Variants in CDK5RAP2 observed in about 807,000 individuals in gnomAD.
The protein encoded by CDK5RAP2 is CDK5 regulatory subunit-associated protein 2.
A neutral mutation model predicts 232.9 loss-of-function variants in CDK5RAP2; 147 were observed. The observed-to-expected ratio is 0.63, with a 90% confidence interval of 0.55 to 0.72. CDK5RAP2 has a LOEUF of 0.72. Ranked by LOEUF, CDK5RAP2 falls within the 30% of genes least tolerant of loss-of-function variation. CDK5RAP2 has a pLI of 0.00. For missense variants in CDK5RAP2, 2,195 were observed against 2,231.5 expected, an observed-to-expected ratio of 0.98 and a Z score of 0.33; for synonymous variants, 833 against 833.7, an observed-to-expected ratio of 1.00 and a Z score of 0.01.
rs145652715 is a variant in CDK5RAP2, at chr9:120,526,376, A to G, written c.1000-1298T>C. Among the ~76,000 whole-genome samples, 926 of 152,264 alleles carry G rather than the reference A, an allele frequency of 6.1e-3. 8 individuals carry two copies. The highest frequency in any genetic ancestry group is 0.021 in the African/African-American group (877 of 41,542). On this transcript the variant is annotated intron_variant, in intron 10 of 37. Coordinates refer to ENST00000349780, the MANE Select transcript of CDK5RAP2 (RefSeq NM_018249.6). ...CCACGCTTTGAACTGAGTCAGTGGC[A>G]CCACCATACCTCTAGTCATGCAAGC...
chr9:120,556,947 G>A (rs921126567), intron 3 of CDK5RAP2, among the ~76,000 whole-genome samples: 1 of 152,104 alleles, frequency 6.6e-6, no homozygotes, highest in East Asian at 1.9e-4. Context: ...CGACTACCCC[G>A]CCAGATGCTT....
chr9:120,489,669 C>CT (rs939634944), intron 13 of CDK5RAP2, among the ~76,000 whole-genome samples: 4 of 152,102 alleles, frequency 2.6e-5, no homozygotes, highest in Non-Finnish European at 5.9e-5. Flanking sequence ...TTCCAAATAT[C>CT]TTTTTTGTCA....
intron 26 of CDK5RAP2, among the ~76,000 whole-genome samples, chr9:120,421,612 C>A (rs925065369): frequency 2.0e-5 from 3 of 152,158 alleles, no homozygotes; most frequent in Non-Finnish European, 4.4e-5. Context: ...AAGTACACAG[C>A]AACAATAATA....
chr9:120,414,713 T>C (rs2034103462), intron 28 of CDK5RAP2, among the ~76,000 whole-genome samples: 1 of 152,222 alleles, frequency 6.6e-6, no homozygotes. Flanking sequence ...GCTAACTGTG[T>C]TTATGCAGGA....
At chr9:120,492,992 G>A (rs560745830) in intron 12 of CDK5RAP2, among the ~76,000 whole-genome samples, 6 of 152,186 alleles carry the variant, frequency 3.9e-5, no homozygotes, top group African/African-American at 1.2e-4. Flanking sequence ...GTCTCTAAAC[G>A]CCTTTTCCTA....
chr9:120,528,538 A>G (rs2131905583), intron 9 of CDK5RAP2, among the ~76,000 whole-genome samples: 1 of 152,310 alleles, frequency 6.6e-6, no homozygotes, highest in Non-Finnish European at 1.5e-5. Flanking sequence ...CAGGTACCAC[A>G]TCTGTAAAAT....
chr9:120,568,198 G>C, intron 3 of CDK5RAP2, 123 bp downstream of exon 3: 1 of 797,744 alleles, frequency 1.3e-6, no homozygotes, highest in Non-Finnish European at 2.3e-6. Flanking sequence ...CATGAGACAT[G>C]GCACCCCCCT....
intron 35 of CDK5RAP2, among the ~76,000 whole-genome samples, chr9:120,398,552 T>C (rs927796459): frequency 6.6e-6 from 1 of 152,226 alleles, no homozygotes; most frequent in Non-Finnish European, 1.5e-5. Flanking sequence ...CAAGAATTTT[T>C]AGGAATTGTT....
rs189534121 is a variant in CDK5RAP2, at chr9:120,468,271, C to G, written c.1969-274G>C. Reference sequence around the variant, plus strand: ...TAAGCCCCAGTTTCCTCATCTGTAGCGTTACTACGAGAACTGAACAGGATT... The same window carrying G: ...TAAGCCCCAGTTTCCTCATCTGTAGGGTTACTACGAGAACTGAACAGGATT... On this transcript the variant is annotated intron_variant, in intron 17 of 37. Transcript: ENST00000349780. 2.0e-5 allele frequency among the ~76,000 whole-genome samples: 3 copies of G among 152,204 alleles called. No individual in the cohort carries two copies. The East Asian group carries it at 5.8e-4, about 29-fold the overall frequency.
rs560418406 is a variant in CDK5RAP2, at chr9:120,511,989, C to T, written c.1311+6438G>A. Among the ~76,000 whole-genome samples the T allele has an allele frequency of 6.6e-3, 1,009 of 152,198 alleles. 16 individuals carry two copies. Among genetic ancestry groups the T allele is most frequent in the African/African-American group, 0.023 (955 of 41,530 alleles). ...CTCACCTCAGGTGATCCACCCACCT[C>T]GGCCTCCCAAAGTGCTGGGATTACA... On this transcript the variant is annotated intron_variant, in intron 12 of 37. Coordinates refer to ENST00000349780, the MANE Select transcript of CDK5RAP2 (RefSeq NM_018249.6).
chr9:120,518,527 A>C lies in CDK5RAP2; in HGVS notation c.1211T>G (p.Ile404Ser), dbSNP rs753137272. Residue 404 changes from isoleucine (I) to serine (S), a missense_variant, in exon 12 of 38, where the codon ATC (isoleucine) becomes AGC (serine). Transcript: ENST00000349780. ...CTGCAAGTCACTCAGCTCCTGGGTG[A>C]TCTTCTTAATGCTTCTACGCAGTCT... The part of the protein sequence containing the change: ...NHRLRRSIKK[I>S]TQELSDLQQE... 1.2e-6 allele frequency: 2 copies of C among 1,613,458 alleles called. No homozygotes were observed. The highest frequency in any genetic ancestry group is 1.7e-4 in the Middle Eastern group (1 of 6,060).
At chr9:120,513,515 C>T (rs543674171) in intron 12 of CDK5RAP2, among the ~76,000 whole-genome samples, 5 of 152,330 alleles carry the variant, frequency 3.3e-5, no homozygotes, top group African/African-American at 9.6e-5. Flanking sequence ...AATCACCATA[C>T]CCTCTCCCAC....
intron 14 of CDK5RAP2, among the ~76,000 whole-genome samples, chr9:120,481,562 G>C (rs2038315378): frequency 7.1e-6 from 1 of 141,480 alleles, no homozygotes; most frequent in Non-Finnish European, 1.5e-5. Flanking sequence ...TCCCAGGCTA[G>C]AGTGCAGTGA....
intron 6 of CDK5RAP2, 125 bp downstream of exon 6, chr9:120,538,916 T>C: frequency 9.9e-7 from 1 of 1,014,272 alleles, no homozygotes; most frequent in Non-Finnish European, 1.5e-6. Flanking sequence ...ATCCAGGAGA[T>C]GCTCAATAAG....
At chr9:120,492,900 A>G (rs562445069) in intron 12 of CDK5RAP2, among the ~76,000 whole-genome samples, 1 of 152,348 alleles carries the variant, frequency 6.6e-6, no homozygotes, top group South Asian at 2.1e-4. Context: ...TGAAATATCA[A>G]TATGAACTTC....
intron 7 of CDK5RAP2, among the ~76,000 whole-genome samples, 183 bp from the exon 8 acceptor site, chr9:120,530,323 C>T (rs1322170642): frequency 6.6e-6 from 1 of 152,046 alleles, no homozygotes; most frequent in Non-Finnish European, 1.5e-5. Context: ...TTAACTGGTC[C>T]CCTGCCTGCC....
intron 3 of CDK5RAP2, among the ~76,000 whole-genome samples, chr9:120,557,816 G>C (rs1413106246): frequency 1.4e-5 from 2 of 146,778 alleles, no homozygotes; most frequent in Non-Finnish European, 3.0e-5. Context: ...CCAGGCTGGA[G>C]TGCAGTGGTG....
chr9:120,520,731 T>TGATACATCTC lies in CDK5RAP2; in HGVS notation c.1093-2087_1093-2086insGAGATGTATC, dbSNP rs1315377706. Among the ~76,000 whole-genome samples the TGATACATCTC allele has an allele frequency of 2.4e-4, 36 of 151,260 alleles. 2 individuals are homozygous for TGATACATCTC. The East Asian group carries it at 6.4e-3, about 27-fold the overall frequency. On this transcript the variant is annotated intron_variant, in intron 11 of 37. Coordinates refer to ENST00000349780, the MANE Select transcript of CDK5RAP2 (RefSeq NM_018249.6). ...ATCTCATATATCATGATATATCATA[T>TGATACATCTC]ATGTATCATGTGATATCTCATATCT...
rs1006397230 is a variant in CDK5RAP2, at chr9:120,444,839, G to T, written c.3026-1097C>A. 2.0e-4 allele frequency among the ~76,000 whole-genome samples: 30 copies of T among 152,152 alleles called. 1 individual carries two copies. The highest frequency in any genetic ancestry group is 6.5e-5 in the Admixed American group (1 of 15,278). The stretch of plus-strand genomic sequence containing the variant: ...GCCAAGTCACTTTATCTCTGAAACT[G>T]CTGCCTTAACTATAAGATGGTAGTA... On this transcript the variant is annotated intron_variant, in intron 22 of 37. Coordinates refer to ENST00000349780, the MANE Select transcript of CDK5RAP2 (RefSeq NM_018249.6).
Sources: allele counts gnomAD v4.1 joint callset (sites outside exome capture counted in the v4.1 genomes callset), GRCh38; gene constraint gnomAD v4.1.1; transcripts MANE v1.5; gene names NCBI Gene and HGNC (gene_info 2026-07-23, HGNC 2026-07-21).